The following SLC25A33 variants were observed in gnomAD, a reference collection of about 807,000 sequenced individuals.
SLC25A33 encodes bone marrow stromal cell mitochondrial carrier protein.
In SLC25A33, 15 loss-of-function variants were observed where a neutral mutation model predicts 35.5. The observed-to-expected ratio is 0.42, with a 90% confidence interval of 0.28 to 0.65. SLC25A33 has a LOEUF of 0.65. Among genes scored for constraint, SLC25A33 ranks in the 30% least tolerant of loss-of-function variants. The pLI is 0.20. For missense variants in SLC25A33, 257 were observed against 398.5 expected, an observed-to-expected ratio of 0.64 and a Z score of 3.02; for synonymous variants, 136 against 148.7, an observed-to-expected ratio of 0.91 and a Z score of 0.62.
intron 5 of SLC25A33, among the ~76,000 whole-genome samples, 188 bp downstream of exon 5, chr1:9,573,600 C>T (rs978494479): frequency 6.6e-5 from 10 of 152,034 alleles, no homozygotes; most frequent in Non-Finnish European, 1.5e-4. Flanking sequence ...AAGATGAGGG[C>T]GACAGAGATG....
intron 2 of SLC25A33, among the ~76,000 whole-genome samples, chr1:9,559,848 G>A (rs1009622145): frequency 5.9e-5 from 9 of 152,122 alleles, no homozygotes; most frequent in Non-Finnish European, 1.0e-4. Context: ...TACAGAGAGG[G>A]TCTTTATCTA....
At chr1:9,574,123 T>C (rs947636570) in intron 5 of SLC25A33, among the ~76,000 whole-genome samples, 6 of 151,078 alleles carry the variant, frequency 4.0e-5, no homozygotes, top group African/African-American at 9.7e-5. Context: ...CTTTTCTTTT[T>C]TTTTTTTTTT....
intron 1 of SLC25A33, among the ~76,000 whole-genome samples, chr1:9,539,972 G>C (rs1446043212): frequency 2.6e-5 from 4 of 152,130 alleles, no homozygotes; most frequent in Non-Finnish European, 5.9e-5. Context: ...GAGGGCGGCT[G>C]TGCCCCGCCG....
chr1:9,581,861 T>C (rs530199823), intron 6 of SLC25A33, among the ~76,000 whole-genome samples: 2 of 152,212 alleles, frequency 1.3e-5, no homozygotes, highest in Non-Finnish European at 2.9e-5. Context: ...TATGTGACTT[T>C]CCTGTCCAAA....
intron 4 of SLC25A33, among the ~76,000 whole-genome samples, chr1:9,570,708 T>TG (rs1643578161): frequency 7.0e-6 from 1 of 143,130 alleles, no homozygotes; most frequent in South Asian, 2.3e-4. Context: ...TATAGTTTTT[T>TG]TTTTTTTTTT....
At chr1:9,568,623 C>T (rs959926132) in intron 3 of SLC25A33, among the ~76,000 whole-genome samples, 2 of 149,472 alleles carry the variant, frequency 1.3e-5, no homozygotes, top group African/African-American at 4.9e-5. Flanking sequence ...AGGCCGAGGC[C>T]GGGGGATCAC....
At chr1:9,551,845 T>G (rs1643270805) in intron 1 of SLC25A33, among the ~76,000 whole-genome samples, 1 of 152,190 alleles carries the variant, frequency 6.6e-6, no homozygotes, top group Non-Finnish European at 1.5e-5. Context: ...GTCTGAATCT[T>G]GAGGAACTCA....
chr1:9,582,419 T>C lies in SLC25A33; in HGVS notation c.884T>C (p.Leu295Pro). 6.2e-7 allele frequency: 1 copy of C among 1,614,044 alleles called. No individual in the cohort carries two copies. Among genetic ancestry groups the C allele is most frequent in the Non-Finnish European group, 8.5e-7 (1 of 1,179,882 alleles). ...LAFYRGLFAQ[L>P]IRQIPNTAIV... ...TTTTATAGAGGACTGTTTGCCCAGC[T>C]TATCCGGCAGATCCCAAATACTGCC... Residue 295 changes from leucine (L) to proline (P), a missense_variant, in exon 7 of 7, where the codon CTT becomes CCT. Coordinates refer to ENST00000302692, the MANE Select transcript of SLC25A33 (RefSeq NM_032315.3). The surrounding 1 kb of genome is among the most constrained non-coding windows in gnomAD (Gnocchi z 4.0).
At position 9,539,678 on chromosome 1, in the gene SLC25A33, G is replaced by C. The variant is rs941832279; in HGVS notation, c.-14G>C. On this transcript the variant is annotated 5_prime_UTR_variant, in exon 1 of 7. Coordinates refer to ENST00000302692, the MANE Select transcript of SLC25A33 (RefSeq NM_032315.3). ...CGCCACCGGGCGGCGACGGGCCGCG[G>C]AGCCGGCGCGGCCATGGCGACGGGC... The C allele has an allele frequency of 7.3e-7, 1 of 1,361,226 alleles. No homozygotes were observed. Among genetic ancestry groups the C allele is most frequent in the Non-Finnish European group, 9.4e-7 (1 of 1,059,848 alleles). The allele number at this position is 1,361,226 out of a possible 1,614,324, so 84.3% of individuals were successfully genotyped here. A position where few individuals can be genotyped will look rare whatever the true frequency, so the allele number is the denominator to read the frequency against.
rs776199275 is a variant in SLC25A33, at chr1:9,553,788, A to G, written c.219A>G (p.Gly73=). The G allele has an allele frequency of 1.5e-5, 25 of 1,613,552 alleles. No individual in the cohort carries two copies. Among genetic ancestry groups the G allele is most frequent in the Non-Finnish European group, 2.0e-5 (24 of 1,179,870 alleles). The change falls in exon 2 of 7, where the codon GGA becomes GGG. Residue 73 remains glycine, a synonymous_variant. Coordinates refer to ENST00000302692, the MANE Select transcript of SLC25A33 (RefSeq NM_032315.3). ...TGAGACCAACATCCGTGACACCTGG[A>G]CTCTTTCAGGTTCTGAAGTAAGTTC... is the stretch of plus-strand genomic sequence containing the variant. ...GMVRPTSVTP[G]LFQVLKSILE... is the part of the protein sequence containing the mutation.
intron 5 of SLC25A33, 57 bp downstream of exon 5, chr1:9,573,469 G>C: frequency 7.1e-7 from 1 of 1,412,326 alleles, no homozygotes. Context: ...TTTTTTTCTT[G>C]CCCCAATTCC....
At chr1:9,574,690 C>T (rs1643636205) in intron 5 of SLC25A33, among the ~76,000 whole-genome samples, 1 of 152,114 alleles carries the variant, frequency 6.6e-6, no homozygotes, top group African/African-American at 2.4e-5. Context: ...TAAAGCTAAG[C>T]TTCATCTAAG....
Position 9,550,038 on chromosome 1 carries a change from T to TG in SLC25A33, c.57-3587dup, listed in dbSNP as rs1553145252. Among the ~76,000 whole-genome samples, 105 of 126,338 alleles carry TG rather than the reference T, an allele frequency of 8.3e-4. 2 individuals are homozygous for TG. Among genetic ancestry groups the TG allele is most frequent in the Non-Finnish European group, 1.5e-3 (91 of 62,312 alleles). The allele number at this position is 126,338 out of a possible 152,430, so 82.9% of individuals were successfully genotyped here. A position where few individuals can be genotyped will look rare whatever the true frequency, so the allele number is the denominator to read the frequency against. On this transcript the variant is annotated intron_variant, in intron 1 of 6. Coordinates refer to ENST00000302692, the MANE Select transcript of SLC25A33 (RefSeq NM_032315.3). ...TTTTTTTTTTTTTTTTTTTTTTTTT[T>TG]GAGACGGGGTCTCACCCAGGCTGAA...
intron 2 of SLC25A33, among the ~76,000 whole-genome samples, chr1:9,564,956 T>G (rs1392749669): frequency 3.3e-5 from 5 of 151,368 alleles, no homozygotes; most frequent in Non-Finnish European, 5.9e-5. Flanking sequence ...AAGGAAATTG[T>G]GACACATGCT....
At chr1:9,561,449 A>G (rs948194956) in intron 2 of SLC25A33, among the ~76,000 whole-genome samples, 1 of 152,120 alleles carries the variant, frequency 6.6e-6, no homozygotes, top group African/African-American at 2.4e-5. Context: ...CCTAAATGAA[A>G]GTTTGTGACT....
At chr1:9,568,634 G>C (rs1410730289) in intron 3 of SLC25A33, among the ~76,000 whole-genome samples, 1 of 149,946 alleles carries the variant, frequency 6.7e-6, no homozygotes, top group Non-Finnish European at 1.5e-5. Flanking sequence ...GGGGGATCAC[G>C]GGGTCAGGAG....
rs1643764387 is a variant in SLC25A33, at chr1:9,582,867, A to G, written c.*366A>G. On this transcript the variant is annotated 3_prime_UTR_variant, in exon 7 of 7. Transcript: ENST00000302692. The surrounding 1 kb of genome is among the most constrained non-coding windows in gnomAD (Gnocchi z 4.0). The stretch of plus-strand genomic sequence containing the variant: ...CCTAGAACTGCAGAGAAAAATGATA[A>G]AGTGAGAATACAACTTGTTTTATAA... The G allele has an allele frequency of 2.0e-5, 4 of 195,154 alleles. No individual in the cohort carries two copies. The highest frequency in any genetic ancestry group is 4.2e-5 in the Non-Finnish European group (4 of 95,560). The allele number at this position is 195,154 out of a possible 1,614,324, so 12.1% of individuals were successfully genotyped here.
intron 2 of SLC25A33, among the ~76,000 whole-genome samples, chr1:9,565,760 C>T (rs1014261104): frequency 1.3e-5 from 2 of 151,086 alleles, no homozygotes; most frequent in Non-Finnish European, 2.9e-5. Context: ...TGCCTGTAGT[C>T]CCAGCTGCTC....
intron 5 of SLC25A33, among the ~76,000 whole-genome samples, chr1:9,579,337 AC>A (rs1304069549): frequency 8.2e-6 from 1 of 122,686 alleles, no homozygotes; most frequent in Non-Finnish European, 1.7e-5. Flanking sequence ...CCACCCACTT[AC>A]CCACACACCA....
Sources: gnomAD v4.1 joint callset for allele counts (sites outside exome capture counted in the v4.1 genomes callset) on GRCh38, gnomAD v4.1.1 for gene constraint, Gnocchi (gnomAD v3.1) non-coding constraint, MANE v1.5 for transcripts, NCBI Gene and HGNC (gene_info 2026-07-23, HGNC 2026-07-21) for gene names.